The following MYT1 variants were observed in gnomAD, a reference collection of about 807,000 sequenced individuals.
MYT1 encodes myelin transcription factor I.
MYT1 carries 23 observed loss-of-function variants against 123.0 expected under a neutral mutation model. The observed-to-expected ratio is 0.19, with a 90% CI of 0.13 to 0.26. The LOEUF is 0.26. MYT1 is among the 10% of genes least tolerant of loss of function. The pLI is 1.00. For missense variants in MYT1, 1,125 were observed against 1,472.5 expected, an observed-to-expected ratio of 0.76 and a Z score of 3.86; for synonymous variants, 518 against 575.3, an observed-to-expected ratio of 0.90 and a Z score of 1.43.
intron 10 of MYT1, among the ~76,000 whole-genome samples, chr20:64,215,132 C>T (rs1983798086): frequency 6.6e-6 from 1 of 152,210 alleles, no homozygotes; most frequent in African/African-American, 2.4e-5. Context: ...CCTCCAGCTT[C>T]CTGTCAGTTG....
At chr20:64,198,965 C>A in intron 3 of MYT1, 49 bp downstream of exon 3, 1 of 1,599,112 alleles carries the variant, frequency 6.3e-7, no homozygotes, top group Non-Finnish European at 8.6e-7. Flanking sequence ...CACTTTCCTC[C>A]GCGGTCTTCC....
rs765517665 is a variant in MYT1, at chr20:64,218,977, C to T, written c.1913C>T (p.Thr638Met). Residue 638 changes from threonine to methionine, a missense_variant, in exon 12 of 23, where the codon ACG (threonine) becomes ATG (methionine). Transcript: ENST00000328439. This position sits in a 1 kb window ranked among gnomAD's most constrained non-coding sequence, Gnocchi z 4.0. ...GCCACTGCCATCCTGAACCTCTCCA[C>T]GCGCTGCTGGGAGATGCCTGAGAAC... is the stretch of plus-strand genomic sequence containing the variant. ...MAATAILNLS[T>M]RCWEMPENLS... 4.3e-6 allele frequency: 7 copies of T among 1,613,708 alleles called. No individual in the cohort carries two copies. Among genetic ancestry groups the T allele is most frequent in the East Asian group, 2.2e-5 (1 of 44,896 alleles).
chr20:64,187,040 C>A (rs1005063599), intron 1 of MYT1, among the ~76,000 whole-genome samples: 4 of 147,000 alleles, frequency 2.7e-5, no homozygotes, highest in Non-Finnish European at 6.0e-5. Context: ...TAGCCCGTGG[C>A]CCCGGCATCC....
In MYT1 at chr20:64,217,409, G is replaced by C; in HGVS notation, c.1846+128G>C. The C allele has an allele frequency of 4.9e-6, 5 of 1,015,648 alleles. No homozygotes were observed. In the Admixed American group the frequency reaches 6.4e-5, roughly 13 times the overall value. The allele number at this position is 1,015,648 out of a possible 1,614,324, so 62.9% of individuals were successfully genotyped here. Reference sequence around the variant, plus strand: ...GAGGGAAACTCTACCCTCATGGGAGGACCACGATGCAGGCTGGAGGTCTCA... The same window carrying C: ...GAGGGAAACTCTACCCTCATGGGAGCACCACGATGCAGGCTGGAGGTCTCA... On this transcript the variant is annotated intron_variant, in intron 11 of 22. Transcript: ENST00000328439.
At chr20:64,177,318 G>A (rs555200025) in intron 1 of MYT1, among the ~76,000 whole-genome samples, 1 of 152,052 alleles carries the variant, frequency 6.6e-6, no homozygotes, top group South Asian at 2.1e-4. Flanking sequence ...CTCAGCAAAA[G>A]CTGGTCTGCC....
intron 1 of MYT1, among the ~76,000 whole-genome samples, chr20:64,180,263 TTTAC>T (rs1339357203): frequency 1.3e-5 from 2 of 152,210 alleles, no homozygotes; most frequent in African/African-American, 4.8e-5. Flanking sequence ...TAGGTCTGTA[TTTAC>T]TTCTCCATCT....
chr20:64,227,541 G>A (rs1414842162), intron 17 of MYT1, 64 bp downstream of exon 17: 1 of 1,399,250 alleles, frequency 7.1e-7, no homozygotes, highest in Non-Finnish European at 1.0e-6. Context: ...TTCCTTATAT[G>A]AAGATTAGAA....
rs1983020833 is a variant in MYT1, at chr20:64,193,454, C to A, written c.-1+3294C>A. On this transcript the variant is annotated intron_variant, in intron 2 of 22. Coordinates refer to ENST00000328439, the MANE Select transcript of MYT1 (RefSeq NM_004535.3). This position sits in a 1 kb window ranked among gnomAD's most constrained non-coding sequence, Gnocchi z 4.0. ...TAGATCGTTGAGTGGGAGCTTGGAT[C>A]TTCCACAATACTGTCTGCTGTAATG... 6.6e-6 allele frequency among the ~76,000 whole-genome samples: 1 copy of A among 152,178 alleles called. No individual in the cohort carries two copies. The highest frequency in any genetic ancestry group is 6.5e-5 in the Admixed American group (1 of 15,286).
At chr20:64,177,805 G>A (rs920900561) in intron 1 of MYT1, among the ~76,000 whole-genome samples, 6 of 152,166 alleles carry the variant, frequency 3.9e-5, no homozygotes, top group Admixed American at 1.3e-4. Context: ...CATGGGACCC[G>A]CAGTTTCTAG....
At chr20:64,223,693 C>T (rs772805139) in intron 16 of MYT1, among the ~76,000 whole-genome samples, 2 of 152,202 alleles carry the variant, frequency 1.3e-5, no homozygotes, top group Non-Finnish European at 2.9e-5. Flanking sequence ...TGCTTTCTTA[C>T]TGCCCTAGAG....
intron 1 of MYT1, among the ~76,000 whole-genome samples, chr20:64,178,876 G>A (rs1982554656): frequency 7.8e-6 from 1 of 127,448 alleles, no homozygotes; most frequent in Non-Finnish European, 1.6e-5. Flanking sequence ...TTCAACGTGG[G>A]AGCACTAAGC....
chr20:64,240,688 AT>A lies in MYT1; in HGVS notation c.*245del, dbSNP rs1398981224. 3 of 451,840 alleles carry A rather than the reference AT, an allele frequency of 6.6e-6. No homozygotes were observed. The highest frequency in any genetic ancestry group is 1.2e-5 in the Non-Finnish European group (3 of 260,532). The allele number at this position is 451,840 out of a possible 1,614,324, so 28.0% of individuals were successfully genotyped here. On this transcript the variant is annotated 3_prime_UTR_variant, in exon 23 of 23. Coordinates refer to ENST00000328439, the MANE Select transcript of MYT1 (RefSeq NM_004535.3). ...GCACTGAAGAATTACAAAGTGATTT[AT>A]TTTTGTTTTCTGAAAGAAATCTGAA...
chr20:64,170,917 A>AGAGAGAGAGAGAGG (rs1982254829), intron 1 of MYT1, among the ~76,000 whole-genome samples: 2 of 135,674 alleles, frequency 1.5e-5, no homozygotes, highest in Admixed American at 7.4e-5. Flanking sequence ...AGAGAGAGAG[A>AGAGAGAGAGAGAGG]GAGAGAGAGA....
intron 19 of MYT1, among the ~76,000 whole-genome samples, chr20:64,235,898 G>GGCTGGCCGCGGTGGGT (rs1984519156): frequency 6.8e-6 from 1 of 146,520 alleles, no homozygotes; most frequent in Non-Finnish European, 1.5e-5. Context: ...GGTGACCCTG[G>GGCTGGCCGCGGTGGGT]GATGGCCGCG....
intron 1 of MYT1, among the ~76,000 whole-genome samples, chr20:64,172,345 A>T (rs1030180834): frequency 6.6e-6 from 1 of 152,144 alleles, no homozygotes; most frequent in African/African-American, 2.4e-5. Flanking sequence ...GGAGAAGGAA[A>T]ACAGAACTGT....
At chr20:64,179,468 G>C (rs1435413608) in intron 1 of MYT1, among the ~76,000 whole-genome samples, 2 of 152,204 alleles carry the variant, frequency 1.3e-5, no homozygotes, top group East Asian at 3.8e-4. Context: ...AAATATTTGG[G>C]GGGAAGGTAC....
chr20:64,207,582 G>T lies in MYT1; in HGVS notation c.398-12G>T. ...GCTCTCTGGCCCCCACGTTGATTTT[G>T]ATTTTGTGCAGGAAGGAGCCCCGTC... is the stretch of plus-strand genomic sequence containing the variant. On this transcript the variant is annotated splice_polypyrimidine_tract_variant and intron_variant, in intron 6 of 22. Coordinates refer to ENST00000328439, the MANE Select transcript of MYT1 (RefSeq NM_004535.3). The T allele has an allele frequency of 6.2e-7, 1 of 1,607,644 alleles. No individual in the cohort carries two copies. Among genetic ancestry groups the T allele is most frequent in the Non-Finnish European group, 8.5e-7 (1 of 1,175,958 alleles).
At chr20:64,210,226 C>T (rs1018821202) in intron 7 of MYT1, among the ~76,000 whole-genome samples, 14 of 152,194 alleles carry the variant, frequency 9.2e-5, no homozygotes, top group African/African-American at 3.1e-4. Context: ...GTGCATGGAC[C>T]CAAAGGGACA....
At chr20:64,219,578 C>A in intron 12 of MYT1, 135 bp from the exon 13 acceptor site, 1 of 773,542 alleles carries the variant, frequency 1.3e-6, no homozygotes, top group Non-Finnish European at 2.1e-6. Flanking sequence ...CCTCTCGCTG[C>A]CTGTCTGTCC....
Sources: gnomAD v4.1 joint callset for allele counts (sites outside exome capture counted in the v4.1 genomes callset) on GRCh38, gnomAD v4.1.1 for gene constraint, Gnocchi (gnomAD v3.1) non-coding constraint, MANE v1.5 for transcripts, NCBI Gene and HGNC (gene_info 2026-07-23, HGNC 2026-07-21) for gene names.